PITPNC1: variants seen among roughly 807,000 people sequenced by gnomAD.
The protein encoded by PITPNC1 is phosphatidylinositol transfer protein cytoplasmic 1.
PITPNC1 carries 18 observed loss-of-function variants against 44.7 expected under a neutral mutation model. That is an observed-to-expected ratio of 0.40 (90% CI 0.28 to 0.60). The LOEUF is 0.60. PITPNC1 is among the 20% of genes least tolerant of loss of function. PITPNC1 has a pLI of 0.39. For synonymous variants in PITPNC1, 141 were observed against 149.6 expected (o/e 0.94, Z 0.42); for missense variants, 290 against 418.4 (o/e 0.69, Z 2.68).
At chr17:67,488,790 G>T (rs1248028964) in intron 1 of PITPNC1, among the ~76,000 whole-genome samples, 1 of 152,140 alleles carries the variant, frequency 6.6e-6, no homozygotes, top group African/African-American at 2.4e-5. Flanking sequence ...GCCACTTTCT[G>T]TCCCTGAGTT....
At position 67,529,150 on chromosome 17, in the gene PITPNC1, T is replaced by C. The variant is rs180732970; in HGVS notation, c.49-3652T>C. Among the ~76,000 whole-genome samples the C allele has an allele frequency of 8.0e-4, 122 of 152,262 alleles. 1 individual carries two copies. Among genetic ancestry groups the C allele is most frequent in the Non-Finnish European group, 1.4e-3 (94 of 68,020 alleles). On this transcript the variant is annotated intron_variant, in intron 1 of 8. Transcript: ENST00000581322. Reference sequence around the variant, plus strand: ...ATTCAGCAGCCACTGGAATGATCAATGAGGCCGGCCGCCCAGCCCTCCACC... The same window carrying C: ...ATTCAGCAGCCACTGGAATGATCAACGAGGCCGGCCGCCCAGCCCTCCACC...
intron 1 of PITPNC1, among the ~76,000 whole-genome samples, chr17:67,489,170 C>T (rs2039825588): frequency 1.3e-5 from 2 of 152,004 alleles, no homozygotes; most frequent in South Asian, 4.2e-4. Flanking sequence ...AGAAAAGTAT[C>T]TTGAGAACTT....
chr17:67,460,549 G>T (rs1471275228), intron 1 of PITPNC1, among the ~76,000 whole-genome samples: 1 of 149,326 alleles, frequency 6.7e-6, no homozygotes, highest in Non-Finnish European at 1.5e-5. Context: ...TCAGCCTCCC[G>T]AGTAGCTGGG....
intron 5 of PITPNC1, among the ~76,000 whole-genome samples, chr17:67,619,546 G>T (rs1261550002): frequency 1.3e-5 from 2 of 152,072 alleles, no homozygotes; most frequent in Non-Finnish European, 2.9e-5. Flanking sequence ...CCTCTCTGGA[G>T]CCCTAGCCAA....
Position 67,625,709 on chromosome 17 carries a change from G to A in PITPNC1, c.367-6434G>A, listed in dbSNP as rs1027033818. Among the ~76,000 whole-genome samples, 11 of 152,088 alleles carry A rather than the reference G, an allele frequency of 7.2e-5. 1 individual carries two copies. The highest frequency in any genetic ancestry group is 6.2e-4 in the South Asian group (3 of 4,822). On this transcript the variant is annotated intron_variant, in intron 5 of 8. Transcript: ENST00000581322. ...CAAGTTGGCTGACTGTGGGATGATA[G>A]GACAGAGAAGGAACAAGCCAAGGAG...
In PITPNC1 at chr17:67,694,408, A is replaced by G. The variant is rs2042976948; in HGVS notation, c.*1520A>G. On this transcript the variant is annotated 3_prime_UTR_variant, in exon 9 of 9. Coordinates refer to ENST00000581322, the MANE Select transcript of PITPNC1 (RefSeq NM_012417.4). ...GATCCCAAAGGAAACAAAATAGACC[A>G]AGGAGCATAATCTGCTTCTCTCACA... 6.6e-6 allele frequency: 1 copy of G among 152,372 alleles called. No homozygotes were observed. The highest frequency in any genetic ancestry group is 2.4e-5 in the African/African-American group (1 of 41,452). 9.4% of individuals were successfully genotyped at this position (152,372 alleles called of 1,614,324 possible). A position where few individuals can be genotyped will look rare whatever the true frequency, so the allele number is the denominator to read the frequency against.
intron 4 of PITPNC1, among the ~76,000 whole-genome samples, chr17:67,572,329 C>T (rs1488666350): frequency 2.0e-5 from 3 of 151,942 alleles, no homozygotes; most frequent in South Asian, 2.1e-4. Flanking sequence ...GTGGGGTTCC[C>T]GTCTCCCCAT....
intron 1 of PITPNC1, among the ~76,000 whole-genome samples, chr17:67,477,696 G>C (rs76576302): frequency 2.0e-5 from 3 of 152,060 alleles, no homozygotes; most frequent in Admixed American, 2.0e-4. Flanking sequence ...ATAAGCCACC[G>C]CATCAGGTCT....
At chr17:67,493,141 A>C (rs1349239440) in intron 1 of PITPNC1, among the ~76,000 whole-genome samples, 2 of 152,192 alleles carry the variant, frequency 1.3e-5, no homozygotes, top group Non-Finnish European at 2.9e-5. Flanking sequence ...CCAATGGTAG[A>C]TTCAGTAACC....
intron 6 of PITPNC1, among the ~76,000 whole-genome samples, chr17:67,637,429 A>T (rs12947751): frequency 6.6e-6 from 1 of 151,676 alleles, no homozygotes; most frequent in Non-Finnish European, 1.5e-5. Context: ...CTGTTCCTGG[A>T]TTTTTTTGAT....
At chr17:67,502,739 CATTGCATTGT>C (rs1267043015) in intron 1 of PITPNC1, among the ~76,000 whole-genome samples, 3 of 133,644 alleles carry the variant, frequency 2.2e-5, no homozygotes, top group South Asian at 4.7e-4. Context: ...TATTGCATTG[CATTGCATTGT>C]ATTGTATTGT....
intron 5 of PITPNC1, among the ~76,000 whole-genome samples, chr17:67,599,314 T>C (rs1456890731): frequency 6.6e-6 from 1 of 151,894 alleles, no homozygotes; most frequent in Non-Finnish European, 1.5e-5. Flanking sequence ...CGGTAGGGAA[T>C]TTGGTATATA....
intron 6 of PITPNC1, 174 bp downstream of exon 6, chr17:67,632,412 A>C (rs1333184471): frequency 1.7e-6 from 1 of 597,908 alleles, no homozygotes; most frequent in African/African-American, 1.9e-5. Flanking sequence ...CTAACTCTTC[A>C]GGGACCATCA....
chr17:67,625,683 C>T (rs899970999), intron 5 of PITPNC1, among the ~76,000 whole-genome samples: 1 of 152,112 alleles, frequency 6.6e-6, no homozygotes, highest in Admixed American at 6.6e-5. Context: ...TATGTACCAC[C>T]CAAGTTGGCT....
At chr17:67,463,511 C>T (rs757066199) in intron 1 of PITPNC1, among the ~76,000 whole-genome samples, 7 of 152,284 alleles carry the variant, frequency 4.6e-5, no homozygotes, top group East Asian at 3.9e-4. Flanking sequence ...GTAGCAAATT[C>T]GGCTTCCGGA....
chr17:67,679,188 A>C (rs1055728134), intron 8 of PITPNC1, among the ~76,000 whole-genome samples: 6 of 152,262 alleles, frequency 3.9e-5, no homozygotes, highest in African/African-American at 1.4e-4. Flanking sequence ...GGTTAACTAG[A>C]GAATCATAGC....
At chr17:67,563,325 T>C (rs1252744715) in intron 4 of PITPNC1, among the ~76,000 whole-genome samples, 4 of 152,216 alleles carry the variant, frequency 2.6e-5, no homozygotes, top group Non-Finnish European at 5.9e-5. Flanking sequence ...TACATACTGT[T>C]GGAACAAGAT....
rs185745547 is a variant in PITPNC1 at position 67,432,033 on chromosome 17, G to A, written c.48+53831G>A. Among the ~76,000 whole-genome samples, 128 of 152,320 alleles carry A rather than the reference G, an allele frequency of 8.4e-4. 1 individual carries two copies. Among genetic ancestry groups the A allele is most frequent in the Non-Finnish European group, 3.2e-4 (22 of 68,032 alleles). ...GCTACTTGACACTCTTGGGAAACGA[G>A]CTGGGTGTTCCTGATAAGAAAGGTT... On this transcript the variant is annotated intron_variant, in intron 1 of 8. Coordinates refer to ENST00000581322, the MANE Select transcript of PITPNC1 (RefSeq NM_012417.4).
At chr17:67,634,231 T>C (rs75007728) in intron 6 of PITPNC1, among the ~76,000 whole-genome samples, 2,367 of 152,220 alleles carry the variant, frequency 0.016, 61 homozygotes, top group African/African-American at 0.054. Context: ...GTCCAGTAAT[T>C]ATTCATCCAA....
Sources: allele counts gnomAD v4.1 joint callset (sites outside exome capture counted in the v4.1 genomes callset), GRCh38; gene constraint gnomAD v4.1.1; transcripts MANE v1.5; gene names NCBI Gene and HGNC (gene_info 2026-07-23, HGNC 2026-07-21).